The following SNTG2 variants were observed in gnomAD, a reference collection of about 807,000 sequenced individuals.
SNTG2 encodes the protein syntrophin gamma 2.
SNTG2 carries 74 observed loss-of-function variants against 70.9 expected under a neutral mutation model. The observed-to-expected ratio is 1.04, with a 90% CI of 0.86 to 1.27. The LOEUF (loss-of-function observed/expected upper bound fraction) is 1.27, where lower values mean the gene tolerates loss of function less well. SNTG2 is among the 50% of genes most tolerant of loss of function. The probability of loss-of-function intolerance (pLI) is 0.00; values close to 1 mark genes in which losing one functional copy is unlikely to be tolerated. For missense variants in SNTG2, 717 were observed against 690.7 expected (o/e 1.04, Z -0.43); for synonymous variants, 278 against 273.8 (o/e 1.02, Z -0.15).
chr2:1,231,542 G>T (rs571667847), intron 9 of SNTG2, among the ~76,000 whole-genome samples: 1 of 152,166 alleles, frequency 6.6e-6, no homozygotes, highest in Non-Finnish European at 1.5e-5. Flanking sequence ...CTGTGCCCTC[G>T]CTCCAGATGG....
At chr2:1,182,528 A>G (rs1310265607) in intron 8 of SNTG2, among the ~76,000 whole-genome samples, 1 of 152,224 alleles carries the variant, frequency 6.6e-6, no homozygotes, top group Non-Finnish European at 1.5e-5. Context: ...GGCAGCTATA[A>G]TAATAAAAAT....
chr2:1,110,529 A>G (rs564616216), intron 4 of SNTG2, among the ~76,000 whole-genome samples: 29 of 152,196 alleles, frequency 1.9e-4, no homozygotes, highest in African/African-American at 6.7e-4. Flanking sequence ...TCTTTATATT[A>G]ATGTAAGGTC....
chr2:1,102,045 G>A (rs558700979), intron 4 of SNTG2, among the ~76,000 whole-genome samples: 1 of 152,238 alleles, frequency 6.6e-6, no homozygotes, highest in African/African-American at 2.4e-5. Flanking sequence ...GACGCTTCTC[G>A]GGCCATCCGC....
At chr2:1,223,658 T>C (rs1016352911) in intron 9 of SNTG2, among the ~76,000 whole-genome samples, 1 of 152,246 alleles carries the variant, frequency 6.6e-6, no homozygotes, top group Non-Finnish European at 1.5e-5. Flanking sequence ...ATCATTCGTA[T>C]TGGGCCAAAT....
intron 8 of SNTG2, among the ~76,000 whole-genome samples, chr2:1,173,642 T>A (rs1441698392): frequency 6.6e-6 from 1 of 152,258 alleles, no homozygotes; most frequent in Non-Finnish European, 1.5e-5. Context: ...AAGGAGAACC[T>A]GCAGCTCCCT....
chr2:1,134,949 C>T (rs115462909), intron 4 of SNTG2, among the ~76,000 whole-genome samples: 1,979 of 152,290 alleles, frequency 0.013, 57 homozygotes, highest in African/African-American at 0.045. Flanking sequence ...GTACACCCTC[C>T]GCAGCCGCTG....
intron 8 of SNTG2, among the ~76,000 whole-genome samples, chr2:1,204,046 T>G (rs1673471984): frequency 6.6e-6 from 1 of 152,192 alleles, no homozygotes; most frequent in African/African-American, 2.4e-5. Flanking sequence ...CAAGTGATAG[T>G]GCATCATTCG....
intron 16 of SNTG2, among the ~76,000 whole-genome samples, chr2:1,331,165 C>T (rs868006831): frequency 6.6e-6 from 1 of 152,228 alleles, no homozygotes; most frequent in African/African-American, 2.4e-5. Context: ...CTCTAATCCC[C>T]TAGAGCACCC....
At chr2:1,162,562 C>T (rs1327870189) in intron 6 of SNTG2, among the ~76,000 whole-genome samples, 9 of 152,222 alleles carry the variant, frequency 5.9e-5, no homozygotes, top group Admixed American at 2.6e-4. Flanking sequence ...CAGTGGACAG[C>T]GGAGGTCTGT....
intron 16 of SNTG2, among the ~76,000 whole-genome samples, chr2:1,351,406 C>T (rs76538314): frequency 2.4e-3 from 360 of 152,154 alleles, no homozygotes; most frequent in African/African-American, 7.8e-3. Context: ...GAAGGGGAAA[C>T]GGTGGTTTAA....
At chr2:1,006,544 T>G (rs1405326938) in intron 1 of SNTG2, among the ~76,000 whole-genome samples, 2 of 152,172 alleles carry the variant, frequency 1.3e-5, no homozygotes, top group East Asian at 1.9e-4. Flanking sequence ...GTTATACTTT[T>G]CTGTATAGAC....
chr2:1,068,173 G>A (rs1663280810), intron 1 of SNTG2: 2 of 152,188 alleles, frequency 1.3e-5, no homozygotes, highest in Non-Finnish European at 2.9e-5. Flanking sequence ...GAAGTAGCTA[G>A]TGTGTCACCC....
intron 14 of SNTG2, among the ~76,000 whole-genome samples, chr2:1,285,376 G>T (rs971288941): frequency 1.1e-4 from 16 of 152,046 alleles, no homozygotes; most frequent in Admixed American, 8.5e-4. Flanking sequence ...TCCACCCCTT[G>T]TCAACTTGAA....
rs759876005 is a variant in SNTG2 at position 1,031,432 on chromosome 2, C to T, written c.73-52086C>T. 5.0e-4 allele frequency among the ~76,000 whole-genome samples: 74 copies of T among 148,870 alleles called. 1 individual carries two copies. Among genetic ancestry groups the T allele is most frequent in the Non-Finnish European group, 1.0e-3 (68 of 67,586 alleles). On this transcript the variant is annotated intron_variant, in intron 1 of 16. Transcript: ENST00000308624. ...ATTGACATGAATAGACTTATAGTCT[C>T]ATATGGTTTCTCATGGTTTTCACTC...
chr2:1,179,242 T>G lies in SNTG2; in HGVS notation c.591+6059T>G, dbSNP rs562553896. 4.8e-4 allele frequency among the ~76,000 whole-genome samples: 73 copies of G among 152,306 alleles called. 1 individual carries two copies. The highest frequency in any genetic ancestry group is 1.7e-3 in the African/African-American group (71 of 41,566). ...GCGGTCTATCAATTTTGTTGATCCT[T>G]TCAAAAAACCAGCTCCTGGATTAAT... On this transcript the variant is annotated intron_variant, in intron 8 of 16. Transcript: ENST00000308624.
At chr2:1,324,343 T>C (rs1343968064) in intron 16 of SNTG2, among the ~76,000 whole-genome samples, 7 of 152,214 alleles carry the variant, frequency 4.6e-5, no homozygotes, top group East Asian at 3.8e-4. Context: ...TGCCACAGTT[T>C]AAGTTTTCTC....
intron 1 of SNTG2, among the ~76,000 whole-genome samples, chr2:1,069,865 T>C (rs1663409068): frequency 6.6e-6 from 1 of 151,888 alleles, no homozygotes. Flanking sequence ...ATAACTCAGC[T>C]CAAGAGATGT....
chr2:1,015,581 G>C (rs6548171), intron 1 of SNTG2, among the ~76,000 whole-genome samples: 5 of 152,064 alleles, frequency 3.3e-5, no homozygotes, highest in Non-Finnish European at 7.4e-5. Context: ...GCCAGTAAAC[G>C]TGGATGATGT....
At chr2:1,262,787 G>A (rs1678508752) in intron 13 of SNTG2, 1 of 151,394 alleles carries the variant, frequency 6.6e-6, no homozygotes, top group African/African-American at 2.4e-5. Flanking sequence ...TGCAGACGAG[G>A]TAACCGGAAG....
Sources: allele counts gnomAD v4.1 joint callset (sites outside exome capture counted in the v4.1 genomes callset), GRCh38; gene constraint gnomAD v4.1.1; transcripts MANE v1.5; gene names NCBI Gene and HGNC (gene_info 2026-07-23, HGNC 2026-07-21).